Variants in SMO observed in about 807,000 individuals in gnomAD.
SMO encodes smoothened, frizzled class receptor.
In SMO, 40 loss-of-function variants were observed where a neutral mutation model predicts 81.6. The ratio of observed to expected loss-of-function variants is 0.49; its 90% CI spans 0.38 to 0.64. SMO has a LOEUF of 0.64. Ranked by LOEUF, SMO falls within the 30% of genes least tolerant of loss-of-function variation. SMO has a pLI of 0.00. For synonymous variants in SMO, 434 were observed against 432.1 expected, an observed-to-expected ratio of 1.00 and a Z score of -0.05; for missense variants, 916 against 1,061.1, an observed-to-expected ratio of 0.86 and a Z score of 1.90.
intron 1 of SMO, among the ~76,000 whole-genome samples, chr7:129,196,413 C>T (rs1584655768): frequency 6.6e-6 from 1 of 151,438 alleles, no homozygotes; most frequent in South Asian, 2.1e-4. Flanking sequence ...CTCCTGGGCT[C>T]AAGTGATCCT....
In SMO at chr7:129,208,091, T is replaced by C. The variant is rs1793804115; in HGVS notation, c.1265-668T>C. 1.3e-5 allele frequency among the ~76,000 whole-genome samples: 2 copies of C among 152,146 alleles called. No homozygotes were observed. The highest frequency in any genetic ancestry group is 2.9e-5 in the Non-Finnish European group (2 of 68,038). ...GGTTTGTAAAATATATTGATATTAG[T>C]TTTGCTTGTTTCTTTTAACTTTTTT... is the stretch of plus-strand genomic sequence containing the variant. On this transcript the variant is annotated intron_variant, in intron 6 of 11. Coordinates refer to ENST00000249373, the MANE Select transcript of SMO (RefSeq NM_005631.5). The surrounding 1 kb of genome is among the most constrained non-coding windows in gnomAD (Gnocchi z 5.2).
intron 1 of SMO, among the ~76,000 whole-genome samples, chr7:129,199,474 C>A (rs1172820276): frequency 1.3e-5 from 2 of 152,160 alleles, no homozygotes; most frequent in Non-Finnish European, 2.9e-5. Context: ...GAGCCACCAC[C>A]ATGCTCAGCC....
Position 129,194,726 on chromosome 7 carries a change from A to G in SMO, c.331+5244A>G, listed in dbSNP as rs1014799055. Among the ~76,000 whole-genome samples, 10 of 152,196 alleles carry G rather than the reference A, an allele frequency of 6.6e-5. No individual in the cohort carries two copies. In the East Asian group the frequency reaches 1.7e-3, roughly 26 times the overall value. On this transcript the variant is annotated intron_variant, in intron 1 of 11. Coordinates refer to ENST00000249373, the MANE Select transcript of SMO (RefSeq NM_005631.5). ...TTATTTCTTGCTTCTTTTACTTTATATCATTATGTAAGATTCATCCATGTT... is the reference window on the plus strand; with the variant it reads ...TTATTTCTTGCTTCTTTTACTTTATGTCATTATGTAAGATTCATCCATGTT...
intron 1 of SMO, among the ~76,000 whole-genome samples, chr7:129,199,243 G>T (rs181191867): frequency 2.6e-4 from 39 of 148,898 alleles, no homozygotes; most frequent in African/African-American, 9.2e-4. Flanking sequence ...GTGCAATGGC[G>T]ATCTCGGCTC....
At position 129,208,712 on chromosome 7, in the gene SMO, A is replaced by G. The variant is rs1584664016; in HGVS notation, c.1265-47A>G. On this transcript the variant is annotated intron_variant, in intron 6 of 11. Transcript: ENST00000249373. This position sits in a 1 kb window ranked among gnomAD's most constrained non-coding sequence, Gnocchi z 5.2. ...CTCCCACTCACCCATCCTTCCCAGC[A>G]GGGCAGCCTCACCCCTGCTAATGTC... The G allele has an allele frequency of 7.3e-6, 9 of 1,234,696 alleles. No homozygotes were observed. Among genetic ancestry groups the G allele is most frequent in the Non-Finnish European group, 1.1e-5 (9 of 837,542 alleles). 76.5% of individuals were successfully genotyped at this position (1,234,696 alleles called of 1,614,324 possible). A position where few individuals can be genotyped will look rare whatever the true frequency, so the allele number is the denominator to read the frequency against.
intron 1 of SMO, among the ~76,000 whole-genome samples, chr7:129,195,993 C>T (rs1180973223): frequency 3.3e-5 from 5 of 150,214 alleles, no homozygotes; most frequent in Non-Finnish European, 7.4e-5. Flanking sequence ...CCCAGCTACT[C>T]GGGAGGCTGA....
chr7:129,193,738 G>A lies in SMO; in HGVS notation c.331+4256G>A, dbSNP rs1427813269. Among the ~76,000 whole-genome samples the A allele has an allele frequency of 6.0e-3, 574 of 95,710 alleles. 4 individuals carry two copies. Among genetic ancestry groups the A allele is most frequent in the African/African-American group, 0.023 (548 of 23,458 alleles). 62.8% of individuals were successfully genotyped at this position (95,710 alleles called of 152,430 possible). ...CACGCCACTGCACTCCAGCCTGGGC[G>A]ACAGACCGAGACTCCATCTCAAAAA... On this transcript the variant is annotated intron_variant, in intron 1 of 11. Transcript: ENST00000249373.
At position 129,189,080 on chromosome 7, in the gene SMO, G is replaced by A; in HGVS notation, c.-72G>A. ...AGCCGCCTCCGCGGCCGCCGAGGTC[G>A]TGCGTGTGGCCGGGGGGCTCCGAGG... On this transcript the variant is annotated 5_prime_UTR_variant, in exon 1 of 12. In the 5' UTR this introduces an upstream ATG that the reference lacks. Transcript: ENST00000249373. This position sits in a 1 kb window ranked among gnomAD's most constrained non-coding sequence, Gnocchi z 4.7. The A allele has an allele frequency of 2.5e-6, 3 of 1,192,812 alleles. No homozygotes were observed. Among genetic ancestry groups the A allele is most frequent in the Non-Finnish European group, 3.1e-6 (3 of 958,858 alleles). 73.9% of individuals were successfully genotyped at this position (1,192,812 alleles called of 1,614,324 possible).
chr7:129,207,990 A>G (rs1183966420), intron 6 of SMO, among the ~76,000 whole-genome samples: 1 of 151,898 alleles, frequency 6.6e-6, no homozygotes, highest in Non-Finnish European at 1.5e-5. Context: ...ACTTAGTGGG[A>G]AAAAAATGTA....
intron 1 of SMO, among the ~76,000 whole-genome samples, chr7:129,200,535 C>T (rs1044850056): frequency 2.0e-5 from 3 of 152,112 alleles, no homozygotes; most frequent in African/African-American, 7.2e-5. Context: ...AAAGCTCCAC[C>T]TTATTTTTTC....
At chr7:129,204,478 C>G (rs1793725851) in intron 2 of SMO, among the ~76,000 whole-genome samples, 1 of 151,704 alleles carries the variant, frequency 6.6e-6, no homozygotes, top group Non-Finnish European at 1.5e-5. Flanking sequence ...AACTCCGTCT[C>G]TACTAAAAAT....
At chr7:129,195,150 G>C (rs1793551394) in intron 1 of SMO, among the ~76,000 whole-genome samples, 3 of 152,176 alleles carry the variant, frequency 2.0e-5, no homozygotes, top group Non-Finnish European at 4.4e-5. Flanking sequence ...TAACATTGCT[G>C]TGAGTAGTCT....
chr7:129,211,968 G>T lies in SMO; in HGVS notation c.1937-56G>T, dbSNP rs1309867040. ...CAGGTTAAGTGCTCCCAGGGGAGCGGGGGTGGCATGGACAGAGCCAGGGCC... is the reference window on the plus strand; with the variant it reads ...CAGGTTAAGTGCTCCCAGGGGAGCGTGGGTGGCATGGACAGAGCCAGGGCC... On this transcript the variant is annotated intron_variant, in intron 11 of 11. Transcript: ENST00000249373. This position sits in a 1 kb window ranked among gnomAD's most constrained non-coding sequence, Gnocchi z 4.6. 1 of 1,502,900 alleles carries T rather than the reference G, an allele frequency of 6.7e-7. No individual in the cohort carries two copies. Among genetic ancestry groups the T allele is most frequent in the South Asian group, 1.3e-5 (1 of 78,390 alleles). 93.1% of individuals were successfully genotyped at this position (1,502,900 alleles called of 1,614,324 possible).
chr7:129,192,612 G>C (rs924734945), intron 1 of SMO, among the ~76,000 whole-genome samples: 2 of 152,138 alleles, frequency 1.3e-5, no homozygotes, highest in Non-Finnish European at 2.9e-5. Context: ...GCAGGACAGA[G>C]GGAGTGGGCA....
In SMO at chr7:129,189,857, AC is replaced by A. The variant is rs2150638877; in HGVS notation, c.331+378del. Among the ~76,000 whole-genome samples, 1 of 152,036 alleles carries A rather than the reference AC, an allele frequency of 6.6e-6. No homozygotes were observed. The highest frequency in any genetic ancestry group is 2.1e-4 in the South Asian group (1 of 4,806). On this transcript the variant is annotated intron_variant, in intron 1 of 11. Coordinates refer to ENST00000249373, the MANE Select transcript of SMO (RefSeq NM_005631.5). This position sits in a 1 kb window ranked among gnomAD's most constrained non-coding sequence, Gnocchi z 4.7. ...CGGGGGATTCAAGGAGGTGTTGAAG[AC>A]CCTGGGGAAATTGGAGTTGGAGAGG...
Position 129,206,661 on chromosome 7 carries a change from C to T in SMO, c.1264+74C>T, listed in dbSNP as rs2150651037. ...CACTTGCTGCCAGTACTGGGAGCTG[C>T]CAGCACGGCTGCCCCCATGCTGAAA... On this transcript the variant is annotated intron_variant, in intron 6 of 11. Coordinates refer to ENST00000249373, the MANE Select transcript of SMO (RefSeq NM_005631.5). This position sits in a 1 kb window ranked among gnomAD's most constrained non-coding sequence, Gnocchi z 4.4. 1 of 1,525,326 alleles carries T rather than the reference C, an allele frequency of 6.6e-7. No individual in the cohort carries two copies. The highest frequency in any genetic ancestry group is 9.0e-7 in the Non-Finnish European group (1 of 1,116,308). 94.5% of individuals were successfully genotyped at this position (1,525,326 alleles called of 1,614,324 possible). A position where few individuals can be genotyped will look rare whatever the true frequency, so the allele number is the denominator to read the frequency against.
intron 2 of SMO, among the ~76,000 whole-genome samples, chr7:129,204,041 A>G (rs999498859): frequency 2.6e-5 from 4 of 152,110 alleles, no homozygotes; most frequent in African/African-American, 7.2e-5. Context: ...CCTGTTTACT[A>G]TATGCCAAAT....
rs2150637585 is a variant in SMO at position 129,189,102 on chromosome 7, G to A, written c.-50G>A. 2.5e-6 allele frequency: 3 copies of A among 1,200,378 alleles called. No homozygotes were observed. Among genetic ancestry groups the A allele is most frequent in the Non-Finnish European group, 2.1e-6 (2 of 965,272 alleles). 74.4% of individuals were successfully genotyped at this position (1,200,378 alleles called of 1,614,324 possible). A position where few individuals can be genotyped will look rare whatever the true frequency, so the allele number is the denominator to read the frequency against. On this transcript the variant is annotated 5_prime_UTR_variant, in exon 1 of 12. Coordinates refer to ENST00000249373, the MANE Select transcript of SMO (RefSeq NM_005631.5). The surrounding 1 kb of genome is among the most constrained non-coding windows in gnomAD (Gnocchi z 4.7). ...GTCGTGCGTGTGGCCGGGGGGCTCCGAGGAGCAGGCGGGGGCGCCGGGGCT... is the reference window on the plus strand; with the variant it reads ...GTCGTGCGTGTGGCCGGGGGGCTCCAAGGAGCAGGCGGGGGCGCCGGGGCT...
chr7:129,206,527 G>A lies in SMO; in HGVS notation c.1204G>A (p.Gly402Ser), dbSNP rs1410545715. 3 of 1,614,198 alleles carry A rather than the reference G, an allele frequency of 1.9e-6. No individual in the cohort carries two copies. Among genetic ancestry groups the A allele is most frequent in the Non-Finnish European group, 2.5e-6 (3 of 1,180,030 alleles). ...VGYKNYRYRAGFVLAPIGLVL... is the reference protein window; with the variant it reads ...VGYKNYRYRASFVLAPIGLVL... ...CTACAAGAACTACCGATACCGTGCG[G>A]GCTTCGTGCTGGCCCCAATCGGCCT... Residue 402 changes from glycine to serine, a missense_variant, in exon 6 of 12, where the codon GGC (glycine) becomes AGC (serine). This residue lies in a region of SMO where 436 missense variants were observed against 570.9 expected (regional missense o/e 0.76). Coordinates refer to ENST00000249373, the MANE Select transcript of SMO (RefSeq NM_005631.5). The surrounding 1 kb of genome is among the most constrained non-coding windows in gnomAD (Gnocchi z 4.4).
Sources: allele counts gnomAD v4.1 joint callset (sites outside exome capture counted in the v4.1 genomes callset), GRCh38; gene constraint gnomAD v4.1.1; regional missense constraint gnomAD v4.1.1; non-coding constraint Gnocchi (gnomAD v3.1); transcripts MANE v1.5; gene names NCBI Gene and HGNC (gene_info 2026-07-23, HGNC 2026-07-21).